GPHN: variants seen among roughly 807,000 people sequenced by gnomAD.
The protein encoded by GPHN is gephyrin.
GPHN carries 17 observed loss-of-function variants against 95.5 expected under a neutral mutation model. That is an observed-to-expected ratio of 0.18 (90% CI 0.12 to 0.27). The LOEUF is 0.27. Among genes scored for constraint, GPHN ranks in the 10% least tolerant of loss-of-function variants. The pLI, the probability that GPHN is intolerant of heterozygous loss-of-function variation, is 1.00. For synonymous variants in GPHN, 320 were observed against 322.5 expected, an observed-to-expected ratio of 0.99 and a Z score of 0.08; for missense variants, 660 against 978.1, an observed-to-expected ratio of 0.67 and a Z score of 4.34.
chr14:67,448,173 C>G, the GPHN span, among the ~76,000 whole-genome samples: 74 of 102,882 alleles, frequency 7.2e-4, no homozygotes, highest in Middle Eastern at 8.9e-3. Context: ...GAGTCTTGCT[C>G]TGTCACCCAG....
the GPHN span, chr14:67,659,648 T>C: frequency 1.0e-5 from 14 of 1,387,270 alleles, no homozygotes; most frequent in Admixed American, 2.5e-5. Flanking sequence ...ACTGATAACA[T>C]GAAATACCCC....
chr14:67,462,790 G>A, the GPHN span, among the ~76,000 whole-genome samples: 1 of 152,256 alleles, frequency 6.6e-6, no homozygotes, highest in African/African-American at 2.4e-5. Flanking sequence ...TAGGTTTTGT[G>A]TTGAGATTCA....
chr14:67,522,520 C>G, the GPHN span, among the ~76,000 whole-genome samples: 2 of 152,164 alleles, frequency 1.3e-5, no homozygotes, highest in Non-Finnish European at 2.9e-5. Context: ...TGGGGGGACA[C>G]TGTGTGCCTG....
the GPHN span, among the ~76,000 whole-genome samples, chr14:67,584,627 T>C: frequency 6.6e-6 from 1 of 152,230 alleles, no homozygotes. Context: ...AGCTGGGCAG[T>C]GATCCTGTTT....
At chr14:66,686,630 C>G (rs1015642167) in intron 2 of GPHN, among the ~76,000 whole-genome samples, 15 of 151,798 alleles carry the variant, frequency 9.9e-5, no homozygotes, top group Admixed American at 3.9e-4. Context: ...AATTTGCTTA[C>G]CAGCTTAAGG....
At chr14:66,908,291 A>G (rs1439114993) in intron 5 of GPHN, among the ~76,000 whole-genome samples, 2 of 152,000 alleles carry the variant, frequency 1.3e-5, no homozygotes, top group Admixed American at 6.6e-5. Flanking sequence ...AAACTACAAC[A>G]AAACACACAT....
At chr14:67,282,621 AT>A in the GPHN span, among the ~76,000 whole-genome samples, 1 of 152,122 alleles carries the variant, frequency 6.6e-6, no homozygotes, top group Non-Finnish European at 1.5e-5. Context: ...AGCAGTTAGA[AT>A]TTTTTTGAAA....
the GPHN span, among the ~76,000 whole-genome samples, chr14:67,518,141 A>T: frequency 6.6e-6 from 1 of 152,150 alleles, no homozygotes; most frequent in South Asian, 2.1e-4. Context: ...GCCTGGAACA[A>T]ACCACCCCTG....
the GPHN span, chr14:67,581,733 C>A: frequency 4.2e-6 from 1 of 236,202 alleles, no homozygotes; most frequent in African/African-American, 2.3e-5. Flanking sequence ...CAGTATGTCT[C>A]CAGGCAAATA....
intron 10 of GPHN, among the ~76,000 whole-genome samples, chr14:67,037,928 A>G (rs950792667): frequency 6.6e-6 from 1 of 152,036 alleles, no homozygotes; most frequent in Admixed American, 6.6e-5. Context: ...GAACTTTCAT[A>G]TGATCTGTCA....
chr14:67,659,338 A>G, the GPHN span, among the ~76,000 whole-genome samples: 1 of 152,242 alleles, frequency 6.6e-6, no homozygotes, highest in Admixed American at 6.5e-5. Flanking sequence ...TTTTCCAGGC[A>G]TACCTGAGAA....
chr14:67,324,785 T>C, the GPHN span, among the ~76,000 whole-genome samples: 1 of 151,832 alleles, frequency 6.6e-6, no homozygotes, highest in Non-Finnish European at 1.5e-5. Context: ...AGGGTCTCGC[T>C]ATGTTGCCAG....
chr14:67,297,114 AAAT>A, the GPHN span, among the ~76,000 whole-genome samples: 1 of 152,254 alleles, frequency 6.6e-6, no homozygotes, highest in South Asian at 2.1e-4. Flanking sequence ...AAAAAAAGAA[AAAT>A]AATAATACCA....
At chr14:67,455,590 A>C in the GPHN span, among the ~76,000 whole-genome samples, 1 of 152,228 alleles carries the variant, frequency 6.6e-6, no homozygotes, top group Non-Finnish European at 1.5e-5. Context: ...AGAATTAATA[A>C]ATAATAAATG....
intron 3 of GPHN, among the ~76,000 whole-genome samples, chr14:66,822,384 A>G (rs1425379597): frequency 6.6e-6 from 1 of 152,210 alleles, no homozygotes; most frequent in African/African-American, 2.4e-5. Context: ...ATTACCTGGG[A>G]AGCTTTTAAA....
chr14:66,832,302 A>C (rs1026225070), intron 4 of GPHN, among the ~76,000 whole-genome samples: 10 of 152,214 alleles, frequency 6.6e-5, no homozygotes, highest in Non-Finnish European at 1.5e-4. Context: ...GATCTAACAT[A>C]ATGCCTGTAA....
intron 5 of GPHN, among the ~76,000 whole-genome samples, chr14:66,882,613 A>T (rs1596266405): frequency 6.6e-6 from 1 of 151,818 alleles, no homozygotes; most frequent in South Asian, 2.1e-4. Flanking sequence ...AGATGTTAAT[A>T]GTACCAAATT....
At chr14:66,672,858 C>T (rs1180705932) in intron 1 of GPHN, among the ~76,000 whole-genome samples, 2 of 151,640 alleles carry the variant, frequency 1.3e-5, no homozygotes, top group Non-Finnish European at 2.9e-5. Context: ...TTTAATCTAC[C>T]CTGACAATCT....
At chr14:67,444,842 C>T in the GPHN span, among the ~76,000 whole-genome samples, 1 of 152,290 alleles carries the variant, frequency 6.6e-6, no homozygotes, top group Middle Eastern at 3.4e-3. Context: ...TCACTGCAAC[C>T]TCTGCCTCCT....
Sources: allele counts gnomAD v4.1 joint callset (sites outside exome capture counted in the v4.1 genomes callset), GRCh38; gene constraint gnomAD v4.1.1; transcripts MANE v1.5; gene names NCBI Gene and HGNC (gene_info 2026-07-23, HGNC 2026-07-21).